Variants in SEC23IP observed in about 807,000 individuals in gnomAD.
SEC23IP encodes the protein SEC23-interacting protein.
SEC23IP carries 70 observed loss-of-function variants against 113.4 expected under a neutral mutation model. That is an observed-to-expected ratio of 0.62 (90% CI 0.51 to 0.75). The LOEUF is 0.75. SEC23IP is among the 30% of genes least tolerant of loss of function. SEC23IP has a pLI of 0.00. For synonymous variants in SEC23IP, 398 were observed against 421.0 expected (o/e 0.95, Z 0.67); for missense variants, 1,160 against 1,204.9 (o/e 0.96, Z 0.55).
At chr10:119,935,103 G>A (rs1390952566) in intron 18 of SEC23IP, among the ~76,000 whole-genome samples, 4 of 152,188 alleles carry the variant, frequency 2.6e-5, no homozygotes, top group East Asian at 3.8e-4. Flanking sequence ...AGTGTTCCAC[G>A]TTTTGTGTAT....
chr10:119,895,446 A>G (rs1045850961), intron 1 of SEC23IP, among the ~76,000 whole-genome samples: 1 of 152,210 alleles, frequency 6.6e-6, no homozygotes, highest in Non-Finnish European at 1.5e-5. Flanking sequence ...CCTGGGAGAC[A>G]CAGAAGAGCA....
At chr10:119,909,530 G>A (rs1333367884) in intron 5 of SEC23IP, among the ~76,000 whole-genome samples, 2 of 152,198 alleles carry the variant, frequency 1.3e-5, no homozygotes, top group Non-Finnish European at 2.9e-5. Flanking sequence ...AGGCTGCAGT[G>A]AGTCAGGATT....
At chr10:119,919,374 C>T (rs1564917244) in intron 10 of SEC23IP, 70 bp from the exon 11 acceptor site, 12 of 1,362,696 alleles carry the variant, frequency 8.8e-6, no homozygotes, top group South Asian at 6.9e-5. Context: ...TGAGAGTTTT[C>T]GTAGATCAGC....
intron 6 of SEC23IP, chr10:119,914,421 G>A: frequency 2.9e-6 from 1 of 342,892 alleles, no homozygotes; most frequent in Non-Finnish European, 5.4e-6. Flanking sequence ...TAGTGTCCTG[G>A]GGAGTTCTGA....
At chr10:119,903,395 T>A (rs532390112) in intron 3 of SEC23IP, among the ~76,000 whole-genome samples, 1 of 152,332 alleles carries the variant, frequency 6.6e-6, no homozygotes, top group South Asian at 2.1e-4. Context: ...TTGGAAATGC[T>A]GCTCTCTGTA....
intron 5 of SEC23IP, among the ~76,000 whole-genome samples, chr10:119,909,395 CA>C (rs1167852894): frequency 6.6e-6 from 1 of 152,012 alleles, no homozygotes; most frequent in African/African-American, 2.4e-5. Context: ...ATGCTTGAGC[CA>C]GGGGGACAGC....
intron 4 of SEC23IP, 56 bp downstream of exon 4, chr10:119,904,333 A>AGG (rs1854594132): frequency 4.2e-6 from 6 of 1,436,852 alleles, no homozygotes; most frequent in African/African-American, 1.4e-5. Context: ...TCCTATATAC[A>AGG]TTGGTGAGTA....
intron 14 of SEC23IP, 91 bp from the exon 15 acceptor site, chr10:119,930,238 A>G (rs1855554114): frequency 3.3e-6 from 2 of 607,574 alleles, no homozygotes; most frequent in South Asian, 5.5e-5. Flanking sequence ...CTGATTTGCC[A>G]TGTATCCATT....
Position 119,898,668 on chromosome 10 carries a change from A to C in SEC23IP, c.405A>C (p.Pro135=), listed in dbSNP as rs779038068. The change falls in exon 2 of 19, where the codon CCA becomes CCC. Residue 135 remains proline, a synonymous_variant. Transcript: ENST00000369075. Reference sequence around the variant, plus strand: ...AAGATGTCTCGAATGCATTTTCACCATCCATTTCGAAGGCTCAACCTGGTG... The same window carrying C: ...AAGATGTCTCGAATGCATTTTCACCCTCCATTTCGAAGGCTCAACCTGGTG... ...GSQDVSNAFS[P]SISKAQPGAP... 2 of 1,614,178 alleles carry C rather than the reference A, an allele frequency of 1.2e-6. No homozygotes were observed. Among genetic ancestry groups the C allele is most frequent in the Non-Finnish European group, 8.5e-7 (1 of 1,180,028 alleles).
rs962434784 is a variant in SEC23IP, at chr10:119,926,093, C to G, written c.2179C>G (p.Gln727Glu). 7.4e-6 allele frequency: 12 copies of G among 1,613,958 alleles called. No individual in the cohort carries two copies. Among genetic ancestry groups the G allele is most frequent in the Non-Finnish European group, 1.0e-5 (12 of 1,179,996 alleles). The stretch of plus-strand genomic sequence containing the variant: ...GGCCACTTCTACAAAAGGACAAGAG[C>G]AAAGTGCCCAGAAGACTAAAGACAT... The part of the protein sequence containing the change: ...VAATSTKGQE[Q>E]SAQKTKDMAS... The change falls in exon 13 of 19, where the codon CAA (glutamine) becomes GAA (glutamate). Residue 727 changes from glutamine (Q) to glutamate (E), a missense_variant. Coordinates refer to ENST00000369075, the MANE Select transcript of SEC23IP (RefSeq NM_007190.4).
At position 119,917,957 on chromosome 10, in the gene SEC23IP, G is replaced by A. The variant is rs770429933; in HGVS notation, c.1666G>A (p.Gly556Arg). The A allele has an allele frequency of 1.2e-6, 2 of 1,614,044 alleles. No individual in the cohort carries two copies. The highest frequency in any genetic ancestry group is 1.7e-6 in the Non-Finnish European group (2 of 1,179,952). The change falls in exon 9 of 19, where the codon GGA (glycine) becomes AGA (arginine). Residue 556 changes from glycine to arginine, a missense_variant. By Grantham distance (125) the Gly-to-Arg change is moderately radical. Coordinates refer to ENST00000369075, the MANE Select transcript of SEC23IP (RefSeq NM_007190.4). ...TYCQTIVEKV[G>R]MEINHLHALF... ...CTGTCAGACAATTGTGGAAAAAGTA[G>A]GAATGGAGATAAACCATCTGCATGC...
rs1365772848 is a variant in SEC23IP at position 119,929,742 on chromosome 10, T to C, written c.2449T>C (p.Phe817Leu). 1 of 1,591,452 alleles carries C rather than the reference T, an allele frequency of 6.3e-7. No homozygotes were observed. Among genetic ancestry groups the C allele is most frequent in the East Asian group, 2.2e-5 (1 of 44,786 alleles). Residue 817 changes from phenylalanine to leucine, a missense_variant, in exon 14 of 19, where the codon TTC (phenylalanine) becomes CTC (leucine). Physicochemically the swap from Phe to Leu is conservative, Grantham distance 22 (BLOSUM62 0). Coordinates refer to ENST00000369075, the MANE Select transcript of SEC23IP (RefSeq NM_007190.4). ...ENYSLPTCKGFFNIYHPLDPV... is the reference protein window; with the variant it reads ...ENYSLPTCKGLFNIYHPLDPV... ...TTACAGCCTTCCTACCTGTAAAGGG[T>C]TCTTCAATATTTATCATCCGGTGAG...
At chr10:119,903,078 A>T (rs1854550745) in intron 3 of SEC23IP, 69 bp downstream of exon 3, 3 of 1,291,258 alleles carry the variant, frequency 2.3e-6, no homozygotes. Context: ...TTTATTCATG[A>T]TCTATTTTCT....
rs985030276 is a variant in SEC23IP, at chr10:119,919,732, A to G, written c.2025+136A>G. On this transcript the variant is annotated intron_variant, in intron 11 of 18. Coordinates refer to ENST00000369075, the MANE Select transcript of SEC23IP (RefSeq NM_007190.4). ...GAAATGTTTTAAAAAATTGAAAAAC[A>G]CAGAAGAATATTTTTTTATAATCTG... The G allele has an allele frequency of 8.4e-6, 6 of 713,904 alleles. No homozygotes were observed. The African/African-American group carries it at 1.1e-4, about 13-fold the overall frequency. 44.2% of individuals were successfully genotyped at this position (713,904 alleles called of 1,614,324 possible). A position where few individuals can be genotyped will look rare whatever the true frequency, so the allele number is the denominator to read the frequency against.
chr10:119,915,150 T>C (rs1023237469), intron 7 of SEC23IP, among the ~76,000 whole-genome samples: 2 of 152,258 alleles, frequency 1.3e-5, no homozygotes, highest in Non-Finnish European at 2.9e-5. Flanking sequence ...AGTTGTTTAA[T>C]GGAAACATGA....
intron 2 of SEC23IP, among the ~76,000 whole-genome samples, chr10:119,899,873 A>G (rs1854418160): frequency 6.6e-6 from 1 of 152,172 alleles, no homozygotes; most frequent in African/African-American, 2.4e-5. Context: ...TACAAAGAGC[A>G]CTCTAATATC....
At position 119,912,165 on chromosome 10, in the gene SEC23IP, G is replaced by T. The variant is rs1481812874; in HGVS notation, c.1312+1G>T. The T allele has an allele frequency of 2.5e-6, 4 of 1,613,794 alleles. No individual in the cohort carries two copies. Among genetic ancestry groups the T allele is most frequent in the Non-Finnish European group, 3.4e-6 (4 of 1,179,878 alleles). On this transcript the variant is annotated splice_donor_variant, in intron 6 of 18. Transcript: ENST00000369075. LOFTEE classifies it high-confidence loss of function. ...GATAACCTTGATGAAATTCCCGACG[G>T]TGTGTATAGTTTGTTTAGAACTGAG... is the stretch of plus-strand genomic sequence containing the variant.
At chr10:119,927,436 C>G (rs1374165210) in intron 13 of SEC23IP, among the ~76,000 whole-genome samples, 1 of 152,140 alleles carries the variant, frequency 6.6e-6, no homozygotes, top group African/African-American at 2.4e-5. Flanking sequence ...GGAGGGGAAT[C>G]CTTTCGTGTT....
chr10:119,927,625 C>T (rs1386882749), intron 13 of SEC23IP, among the ~76,000 whole-genome samples: 1 of 152,174 alleles, frequency 6.6e-6, no homozygotes, highest in Non-Finnish European at 1.5e-5. Flanking sequence ...ATTAGGGCCA[C>T]CACAGTGATC....
Sources: allele counts gnomAD v4.1 joint callset (sites outside exome capture counted in the v4.1 genomes callset), GRCh38; gene constraint gnomAD v4.1.1; transcripts MANE v1.5; gene names NCBI Gene and HGNC (gene_info 2026-07-23, HGNC 2026-07-21).